The following MROH1 variants were observed in gnomAD, a reference collection of about 807,000 sequenced individuals.
The protein encoded by MROH1 is maestro heat like repeat family member 1.
In MROH1, 117 loss-of-function variants were observed where a neutral mutation model predicts 116.5. The observed-to-expected ratio is 1.00, with a 90% CI of 0.86 to 1.17. The LOEUF (loss-of-function observed/expected upper bound fraction) is 1.17. Ranked by LOEUF, MROH1 falls within the 50% of genes most tolerant of loss-of-function variation. MROH1 has a pLI of 0.00. For missense variants in MROH1, 1,873 were observed against 1,338.5 expected (o/e 1.40, Z -6.23); for synonymous variants, 921 against 583.9 (o/e 1.58, Z -8.32).
intron 14 of MROH1, among the ~76,000 whole-genome samples, chr8:144,225,921 T>TTG (rs1311431036): frequency 2.0e-4 from 29 of 144,460 alleles, no homozygotes; most frequent in Non-Finnish European, 3.7e-4. Context: ...TTTTTTTTTT[T>TTG]TTTTTTTTTT....
chr8:144,166,045 A>T (rs1311992140), intron 3 of MROH1, among the ~76,000 whole-genome samples: 1 of 150,548 alleles, frequency 6.6e-6, no homozygotes, highest in Non-Finnish European at 1.5e-5. Context: ...CACCTGGCTA[A>T]TTTTTATATT....
At chr8:144,222,665 T>G (rs2132425749) in intron 13 of MROH1, among the ~76,000 whole-genome samples, 1 of 151,872 alleles carries the variant, frequency 6.6e-6, no homozygotes, top group East Asian at 1.9e-4. Context: ...CAGGTACAGG[T>G]GTGGGAGCAG....
intron 7 of MROH1, among the ~76,000 whole-genome samples, chr8:144,187,453 A>G (rs1827482642): frequency 6.6e-6 from 1 of 152,206 alleles, no homozygotes; most frequent in African/African-American, 2.4e-5. Flanking sequence ...ACCCACACAG[A>G]CAAAGAATGG....
chr8:144,260,645 G>T, intron 39 of MROH1, 32 bp from the exon 40 acceptor site: 1 of 775,534 alleles, frequency 1.3e-6, no homozygotes, highest in Non-Finnish European at 2.4e-6. Flanking sequence ...GGCACAGCCT[G>T]TGAGGAGACG....
intron 14 of MROH1, 42 bp downstream of exon 14, chr8:144,223,272 C>T: frequency 6.4e-7 from 1 of 1,559,228 alleles, no homozygotes; most frequent in South Asian, 1.2e-5. Flanking sequence ...GCCCACGCTG[C>T]CCCTGGCCTG....
rs1841482691 is a variant in MROH1, at chr8:144,244,143, C to T, written c.2556-79C>T. On this transcript the variant is annotated intron_variant, in intron 26 of 43. Coordinates refer to ENST00000326134, the MANE Select transcript of MROH1 (RefSeq NM_032450.3). ...GTAAACATGGCAGTGGCTGTGCTGC[C>T]CACACAGGCCTGGAGGTTACTGGGT... 16 of 704,942 alleles carry T rather than the reference C, an allele frequency of 2.3e-5. 1 individual carries two copies. The highest frequency in any genetic ancestry group is 3.9e-5 in the Non-Finnish European group (15 of 380,978). 43.7% of individuals were successfully genotyped at this position (704,942 alleles called of 1,614,324 possible). A position where few individuals can be genotyped will look rare whatever the true frequency, so the allele number is the denominator to read the frequency against.
At chr8:144,157,739 G>A (rs1384013300) in intron 1 of MROH1, among the ~76,000 whole-genome samples, 1 of 143,498 alleles carries the variant, frequency 7.0e-6, no homozygotes, top group Non-Finnish European at 1.5e-5. Flanking sequence ...GTGCAGTGGT[G>A]CAGTCTTGGC....
At chr8:144,210,804 G>A (rs1833943045) in intron 12 of MROH1, among the ~76,000 whole-genome samples, 1 of 152,072 alleles carries the variant, frequency 6.6e-6, no homozygotes, top group South Asian at 2.1e-4. Context: ...GACCATTGGT[G>A]ATTTTGTTTA....
intron 37 of MROH1, among the ~76,000 whole-genome samples, chr8:144,259,558 G>C (rs911195992): frequency 1.3e-5 from 2 of 152,226 alleles, no homozygotes; most frequent in African/African-American, 2.4e-5. Flanking sequence ...GGTGAGAGGA[G>C]GACCGAGGCT....
At chr8:144,202,071 C>T (rs757630206) in intron 12 of MROH1, among the ~76,000 whole-genome samples, 4 of 151,314 alleles carry the variant, frequency 2.6e-5, no homozygotes, top group East Asian at 1.9e-4. Context: ...ACGGGGCAGA[C>T]GGGGCCACAG....
At chr8:144,236,428 C>T (rs1840050258) in intron 14 of MROH1, among the ~76,000 whole-genome samples, 1 of 152,108 alleles carries the variant, frequency 6.6e-6, no homozygotes, top group East Asian at 1.9e-4. Context: ...AAGTAAACAT[C>T]TTCTTGTGAT....
chr8:144,259,532 C>T (rs1165733558), intron 37 of MROH1, among the ~76,000 whole-genome samples, 178 bp downstream of exon 37: 1 of 152,216 alleles, frequency 6.6e-6, no homozygotes, highest in African/African-American at 2.4e-5. Context: ...CACCCAGGGA[C>T]ACCCCCTCTG....
In MROH1 at chr8:144,180,143, G is replaced by C; in HGVS notation, c.301-35G>C. On this transcript the variant is annotated intron_variant, in intron 5 of 43. Transcript: ENST00000326134. This position sits in a 1 kb window ranked among gnomAD's most constrained non-coding sequence, Gnocchi z 7.4. ...ACTGAGGGCAGAATGTCTTGGTCTT[G>C]CCTTTTGGTCTACCTGCCGGTGTTT... The C allele has an allele frequency of 1.2e-6, 2 of 1,612,214 alleles. No individual in the cohort carries two copies. The highest frequency in any genetic ancestry group is 8.5e-7 in the Non-Finnish European group (1 of 1,178,748).
In MROH1 at chr8:144,192,229, A is replaced by G. The variant is rs1339754874; in HGVS notation, c.856-80A>G. On this transcript the variant is annotated intron_variant, in intron 9 of 43. Transcript: ENST00000326134. ...CTGGCCCATGTCTTCCTGTGGCCCA[A>G]CTGGGAGGCTCTGATTGACCTTAGT... 26 of 1,264,584 alleles carry G rather than the reference A, an allele frequency of 2.1e-5. No homozygotes were observed. In the South Asian group the frequency reaches 3.6e-4, roughly 18 times the overall value. 78.3% of individuals were successfully genotyped at this position (1,264,584 alleles called of 1,614,324 possible).
intron 15 of MROH1, 67 bp from the exon 16 acceptor site, chr8:144,238,968 C>G: frequency 1.3e-6 from 1 of 771,052 alleles, no homozygotes; most frequent in South Asian, 1.3e-5. Context: ...CTTGGAGCTC[C>G]GGCAGGGCCC....
chr8:144,153,201 CT>C (rs1186362093), intron 1 of MROH1, among the ~76,000 whole-genome samples: 109 of 144,928 alleles, frequency 7.5e-4, no homozygotes, highest in East Asian at 6.0e-4. Context: ...GGAATTCCTT[CT>C]TTTTTTTTTT....
At chr8:144,181,248 T>C (rs1825563487) in intron 7 of MROH1, among the ~76,000 whole-genome samples, 2 of 99,002 alleles carry the variant, frequency 2.0e-5, no homozygotes, top group South Asian at 6.2e-4. Context: ...CGGGGGCCGT[T>C]AGTTCCAGGC....
Position 144,241,436 on chromosome 8 carries a change from C to T in MROH1, c.2097C>T (p.Leu699=), listed in dbSNP as rs1238556320. 1.8e-5 allele frequency: 14 copies of T among 778,494 alleles called. No individual in the cohort carries two copies. Among genetic ancestry groups the T allele is most frequent in the African/African-American group, 5.1e-5 (3 of 59,046 alleles). The allele number at this position is 778,494 out of a possible 1,614,324, so 48.2% of individuals were successfully genotyped here. The change falls in exon 22 of 44, where the codon CTC becomes CTT. Residue 699 remains leucine, a synonymous_variant. Coordinates refer to ENST00000326134, the MANE Select transcript of MROH1 (RefSeq NM_032450.3). The stretch of plus-strand genomic sequence containing the variant: ...TCGGGATCTGTGCCATCTCCCACCT[C>T]GAGGACACGCTGGCCCAGCTGGAGG... ...CCFGICAISH[L]EDTLAQLEDF...
At chr8:144,168,196 T>G in intron 3 of MROH1, 99 bp from the exon 4 acceptor site, 1 of 1,342,434 alleles carries the variant, frequency 7.4e-7, no homozygotes, top group Non-Finnish European at 9.9e-7. Context: ...TCTGTGATCC[T>G]CAGAGGCTGC....
Sources: gnomAD v4.1 joint callset for allele counts (sites outside exome capture counted in the v4.1 genomes callset) on GRCh38, gnomAD v4.1.1 for gene constraint, Gnocchi (gnomAD v3.1) non-coding constraint, MANE v1.5 for transcripts, NCBI Gene and HGNC (gene_info 2026-07-23, HGNC 2026-07-21) for gene names.